CDKAL1: variants seen among roughly 807,000 people sequenced by gnomAD.
The protein encoded by CDKAL1 is threonylcarbamoyladenosine tRNA methylthiotransferase.
In CDKAL1, 32 loss-of-function variants were observed where a neutral mutation model predicts 68.2. That is an observed-to-expected ratio of 0.47 (90% CI 0.35 to 0.63). The LOEUF is 0.63. CDKAL1 is among the 30% of genes least tolerant of loss of function. The pLI is 0.00. For missense variants in CDKAL1, 606 were observed against 696.7 expected, an observed-to-expected ratio of 0.87 and a Z score of 1.47; for synonymous variants, 234 against 244.3, an observed-to-expected ratio of 0.96 and a Z score of 0.39.
intron 13 of CDKAL1, among the ~76,000 whole-genome samples, chr6:21,171,254 C>T (rs1777372531): frequency 6.6e-6 from 1 of 152,038 alleles, no homozygotes; most frequent in African/African-American, 2.4e-5. Context: ...GCTGTGATGC[C>T]CAGGCTGAAG....
intron 12 of CDKAL1, among the ~76,000 whole-genome samples, chr6:21,069,774 CTTTTTTTTTTTTT>C (rs60241965): frequency 2.9e-5 from 2 of 69,948 alleles, no homozygotes; most frequent in African/African-American, 5.9e-5. Context: ...GATTTTCTTT[CTTTTTTTTTTTTT>C]TTTTTTTTTT....
intron 4 of CDKAL1, among the ~76,000 whole-genome samples, chr6:20,562,462 A>G (rs950974588): frequency 6.6e-6 from 1 of 152,066 alleles, no homozygotes; most frequent in African/African-American, 2.4e-5. Flanking sequence ...CAAAAAATTC[A>G]CTGTTGGTCA....
chr6:20,582,548 T>G (rs138194072), intron 4 of CDKAL1, among the ~76,000 whole-genome samples: 1 of 152,296 alleles, frequency 6.6e-6, no homozygotes, highest in African/African-American at 2.4e-5. Flanking sequence ...CTTTTTGAGT[T>G]GTCTGACACA....
intron 12 of CDKAL1, among the ~76,000 whole-genome samples, chr6:21,107,470 C>T (rs887683286): frequency 1.3e-5 from 2 of 151,788 alleles, no homozygotes; most frequent in East Asian, 2.0e-4. Flanking sequence ...CTCTGTTGCC[C>T]AGGCTGGAGT....
intron 6 of CDKAL1, among the ~76,000 whole-genome samples, chr6:20,752,069 C>T (rs1405699963): frequency 2.6e-5 from 4 of 151,514 alleles, no homozygotes; most frequent in African/African-American, 7.3e-5. Context: ...TCCTCTTCCG[C>T]GTAACTCCCC....
At chr6:21,181,310 T>G (rs74991976) in intron 13 of CDKAL1, among the ~76,000 whole-genome samples, 1 of 152,094 alleles carries the variant, frequency 6.6e-6, no homozygotes, top group Non-Finnish European at 1.5e-5. Context: ...CATACCAAAA[T>G]TTGATTCCCA....
At chr6:20,773,218 A>C (rs1349932186) in intron 7 of CDKAL1, among the ~76,000 whole-genome samples, 2 of 152,174 alleles carry the variant, frequency 1.3e-5, no homozygotes, top group Admixed American at 1.3e-4. Flanking sequence ...TGTGTTTTAT[A>C]TTCTTTTCTT....
chr6:20,911,761 C>T (rs1438687271), intron 9 of CDKAL1, among the ~76,000 whole-genome samples: 2 of 152,192 alleles, frequency 1.3e-5, no homozygotes, highest in Non-Finnish European at 2.9e-5. Flanking sequence ...CTTGTGTCTT[C>T]CCCAACCTCT....
chr6:21,133,868 C>T (rs1218500559), intron 13 of CDKAL1, among the ~76,000 whole-genome samples: 2 of 152,198 alleles, frequency 1.3e-5, no homozygotes, highest in South Asian at 2.1e-4. Context: ...TACATGAACA[C>T]ATATAGTTTT....
chr6:20,853,265 C>G (rs1759115592), intron 9 of CDKAL1, among the ~76,000 whole-genome samples: 1 of 152,030 alleles, frequency 6.6e-6, no homozygotes, highest in Non-Finnish European at 1.5e-5. Context: ...GCCTGTAACC[C>G]CAGCTACTTG....
intron 13 of CDKAL1, among the ~76,000 whole-genome samples, chr6:21,163,574 A>G (rs1321175121): frequency 1.3e-5 from 2 of 152,218 alleles, no homozygotes; most frequent in Non-Finnish European, 2.9e-5. Context: ...GGAGGCCTCT[A>G]AACCACAGGC....
chr6:20,627,673 A>G (rs1200699309), intron 4 of CDKAL1, among the ~76,000 whole-genome samples: 2 of 152,196 alleles, frequency 1.3e-5, no homozygotes, highest in Non-Finnish European at 2.9e-5. Flanking sequence ...TATCAATTTG[A>G]GAAGAATTGA....
chr6:20,730,061 T>G (rs1772839126), intron 5 of CDKAL1, among the ~76,000 whole-genome samples: 1 of 152,200 alleles, frequency 6.6e-6, no homozygotes, highest in Non-Finnish European at 1.5e-5. Flanking sequence ...GGCTCATGCC[T>G]GTAATCCCAG....
At chr6:21,126,232 T>C (rs1017419435) in intron 13 of CDKAL1, among the ~76,000 whole-genome samples, 1 of 152,238 alleles carries the variant, frequency 6.6e-6, no homozygotes, top group Non-Finnish European at 1.5e-5. Context: ...TTAAGGGGAA[T>C]GATTTAATAG....
At chr6:21,209,908 T>C (rs1184437895) in intron 15 of CDKAL1, among the ~76,000 whole-genome samples, 1 of 152,186 alleles carries the variant, frequency 6.6e-6, no homozygotes, top group Non-Finnish European at 1.5e-5. Context: ...TTCACTGCAC[T>C]ATTTCCCCTT....
At chr6:20,976,843 TTTTA>T (rs1765869133) in intron 10 of CDKAL1, among the ~76,000 whole-genome samples, 1 of 152,210 alleles carries the variant, frequency 6.6e-6, no homozygotes, top group South Asian at 2.1e-4. Flanking sequence ...AATAATCTGT[TTTTA>T]TTTTATTGCT....
At chr6:20,741,490 C>T (rs1773455627) in intron 6 of CDKAL1, among the ~76,000 whole-genome samples, 1 of 151,952 alleles carries the variant, frequency 6.6e-6, no homozygotes, top group Admixed American at 6.6e-5. Flanking sequence ...CCAATAGGCC[C>T]CAGTGTGGTG....
intron 4 of CDKAL1, among the ~76,000 whole-genome samples, chr6:20,647,982 G>A (rs1276988682): frequency 2.7e-5 from 4 of 150,678 alleles, no homozygotes; most frequent in Non-Finnish European, 4.4e-5. Context: ...GGCTGAGGCA[G>A]GAGAATGTCG....
intron 13 of CDKAL1, among the ~76,000 whole-genome samples, chr6:21,141,964 C>A (rs1475140482): frequency 6.6e-6 from 1 of 152,008 alleles, no homozygotes; most frequent in Admixed American, 6.6e-5. Flanking sequence ...TCTTTAATGC[C>A]ATTTTTTCTA....
Sources: gnomAD v4.1 joint callset for allele counts (sites outside exome capture counted in the v4.1 genomes callset) on GRCh38, gnomAD v4.1.1 for gene constraint, MANE v1.5 for transcripts, NCBI Gene and HGNC (gene_info 2026-07-23, HGNC 2026-07-21) for gene names.